Variants in TUSC3 observed in about 807,000 individuals in gnomAD.
TUSC3 encodes dolichyl-diphosphooligosaccharide--protein glycosyltransferase subunit TUSC3.
TUSC3 carries 45 observed loss-of-function variants against 44.8 expected under a neutral mutation model. The observed-to-expected ratio is 1.00, with a 90% CI of 0.79 to 1.29. The LOEUF (loss-of-function observed/expected upper bound fraction) is 1.29. TUSC3 is among the 50% of genes most tolerant of loss of function. The pLI, the probability that TUSC3 is intolerant of heterozygous loss-of-function variation, is 0.00. For synonymous variants in TUSC3, 212 were observed against 152.9 expected, an observed-to-expected ratio of 1.39 and a Z score of -2.85; for missense variants, 519 against 437.9, an observed-to-expected ratio of 1.19 and a Z score of -1.65.
At position 15,738,827 on chromosome 8, in the gene TUSC3, C is replaced by CTTTTTTTTTTCTTTCTTTTTTTTTTTT. The variant is rs1373248681; in HGVS notation, c.863-4701_863-4700insCTTTCTTTTTTTTTTTTTTTTTTTTTT. On this transcript the variant is annotated intron_variant, in intron 7 of 10. Coordinates refer to ENST00000503731, the MANE Select transcript of TUSC3 (RefSeq NM_006765.4). ...ACAAAATTACTATTAATATATCTTG[C>CTTTTTTTTTTCTTTCTTTTTTTTTTTT]TTTTTTTTTTTTTTTTTTTTTTTGA... Among the ~76,000 whole-genome samples, 100 of 87,202 alleles carry CTTTTTTTTTTCTTTCTTTTTTTTTTTT rather than the reference C, an allele frequency of 1.1e-3. 20 individuals are homozygous for CTTTTTTTTTTCTTTCTTTTTTTTTTTT. Among genetic ancestry groups the CTTTTTTTTTTCTTTCTTTTTTTTTTTT allele is most frequent in the East Asian group, 2.6e-3 (7 of 2,678 alleles). The allele number at this position is 87,202 out of a possible 152,430, so 57.2% of individuals were successfully genotyped here.
At chr8:15,517,499 G>C (rs1801233955) in intron 2 of TUSC3, among the ~76,000 whole-genome samples, 1 of 114,564 alleles carries the variant, frequency 8.7e-6, no homozygotes, top group African/African-American at 3.5e-5. Context: ...GCTTGTGAGA[G>C]CTTCCTAACA....
chr8:15,611,838 C>G (rs951303461), intron 1 of TUSC3, among the ~76,000 whole-genome samples: 4 of 152,110 alleles, frequency 2.6e-5, no homozygotes, highest in Non-Finnish European at 5.9e-5. Context: ...TTAAGTATGA[C>G]ATAATATTAA....
intron 1 of TUSC3, among the ~76,000 whole-genome samples, chr8:15,458,698 G>A (rs746900391): frequency 2.6e-5 from 4 of 152,042 alleles, no homozygotes; most frequent in East Asian, 3.9e-4. Context: ...TCCTCCTCCC[G>A]ACTTTTCAAG....
At chr8:15,574,467 C>T (rs943147493) in intron 1 of TUSC3, among the ~76,000 whole-genome samples, 1 of 152,098 alleles carries the variant, frequency 6.6e-6, no homozygotes, top group Admixed American at 6.5e-5. Context: ...TCCTCAGACT[C>T]TCTCTTTTGC....
In TUSC3 at chr8:15,676,496, T is replaced by G. The variant is rs565513712; in HGVS notation, c.798+2660T>G. On this transcript the variant is annotated intron_variant, in intron 6 of 10. Coordinates refer to ENST00000503731, the MANE Select transcript of TUSC3 (RefSeq NM_006765.4). ...TTTAATTAGGTCCCACTTGACTATT[T>G]TTTATTTTGTTTAGATTGCTTTTGA... Among the ~76,000 whole-genome samples, 339 of 152,322 alleles carry G rather than the reference T, an allele frequency of 2.2e-3. 2 individuals carry two copies. The highest frequency in any genetic ancestry group is 7.7e-3 in the African/African-American group (318 of 41,568).
the TUSC3 span, among the ~76,000 whole-genome samples, chr8:15,776,316 C>T: frequency 6.6e-6 from 1 of 151,940 alleles, no homozygotes; most frequent in Non-Finnish European, 1.5e-5. Flanking sequence ...ATCTTTAACA[C>T]GTTTTTATTT....
At chr8:15,806,806 T>C in the TUSC3 span, 4 of 856,894 alleles carry the variant, frequency 4.7e-6, no homozygotes, top group Non-Finnish European at 7.6e-6. Flanking sequence ...TTGCAATTTG[T>C]GAAGAAATGA....
At chr8:15,841,073 G>A in the TUSC3 span, among the ~76,000 whole-genome samples, 11 of 152,242 alleles carry the variant, frequency 7.2e-5, no homozygotes, top group Non-Finnish European at 1.3e-4. Context: ...ATTAGTGGAA[G>A]TTGTTCCCTA....
At chr8:15,741,067 A>G (rs904355505) in intron 7 of TUSC3, among the ~76,000 whole-genome samples, 2 of 152,198 alleles carry the variant, frequency 1.3e-5, no homozygotes, top group African/African-American at 2.4e-5. Context: ...GGGATATGTT[A>G]TACTTGGGTG....
At chr8:15,723,180 C>G (rs1003956799) in intron 6 of TUSC3, among the ~76,000 whole-genome samples, 131 of 152,172 alleles carry the variant, frequency 8.6e-4, no homozygotes, top group African/African-American at 3.0e-3. Context: ...TCTAAGATGA[C>G]TTTTTGGAGT....
chr8:15,597,960 C>T (rs564621262), intron 1 of TUSC3, among the ~76,000 whole-genome samples: 46 of 152,108 alleles, frequency 3.0e-4, no homozygotes, highest in South Asian at 2.1e-4. Context: ...TATATTTACA[C>T]GCATGCACAC....
At chr8:15,850,357 A>C in the TUSC3 span, among the ~76,000 whole-genome samples, 1 of 152,116 alleles carries the variant, frequency 6.6e-6, no homozygotes, top group Non-Finnish European at 1.5e-5. Context: ...TTGTTCTCCC[A>C]TAGTTGATTA....
intron 1 of TUSC3, among the ~76,000 whole-genome samples, chr8:15,598,078 C>T (rs1286761438): frequency 6.6e-6 from 1 of 151,934 alleles, no homozygotes. Context: ...CAAGTTATTT[C>T]TTTAAGAGTT....
intron 1 of TUSC3, among the ~76,000 whole-genome samples, chr8:15,452,309 A>G (rs7833963): frequency 0.083 from 12,706 of 152,266 alleles, 749 homozygotes; most frequent in African/African-American, 0.16. Context: ...CTAGGTATAA[A>G]TGCTGAATTT....
At chr8:15,728,339 C>T (rs1043099350) in intron 6 of TUSC3, among the ~76,000 whole-genome samples, 1 of 151,518 alleles carries the variant, frequency 6.6e-6, no homozygotes. Flanking sequence ...ATCTTTGGGC[C>T]TTATATTTTA....
the TUSC3 span, among the ~76,000 whole-genome samples, chr8:15,842,449 T>G: frequency 6.6e-6 from 1 of 152,216 alleles, no homozygotes; most frequent in Non-Finnish European, 1.5e-5. Flanking sequence ...TTTTCATGTC[T>G]CTATTTATTT....
At chr8:15,490,983 C>G (rs1217052742) in intron 2 of TUSC3, among the ~76,000 whole-genome samples, 1 of 152,200 alleles carries the variant, frequency 6.6e-6, no homozygotes, top group East Asian at 1.9e-4. Flanking sequence ...CCCCCCCAAT[C>G]TTTAAAGAGA....
chr8:15,448,895 G>T (rs1160490261), intron 1 of TUSC3, among the ~76,000 whole-genome samples: 1 of 152,148 alleles, frequency 6.6e-6, no homozygotes, highest in Non-Finnish European at 1.5e-5. Context: ...ATCACCTAGT[G>T]ACGTAGCCAT....
intron 1 of TUSC3, among the ~76,000 whole-genome samples, chr8:15,567,283 A>C (rs1395183943): frequency 6.6e-6 from 1 of 152,174 alleles, no homozygotes; most frequent in Non-Finnish European, 1.5e-5. Flanking sequence ...ATTAACAAAA[A>C]GTTCTTCCTA....
Sources: gnomAD v4.1 joint callset for allele counts (sites outside exome capture counted in the v4.1 genomes callset) on GRCh38, gnomAD v4.1.1 for gene constraint, MANE v1.5 for transcripts, NCBI Gene and HGNC (gene_info 2026-07-23, HGNC 2026-07-21) for gene names.